The following PRDM6 variants were observed in gnomAD, a reference collection of about 807,000 sequenced individuals.
PRDM6 encodes putative histone-lysine N-methyltransferase PRDM6.
Under a neutral mutation model 60.8 loss-of-function variants are expected in PRDM6, and 25 were observed. That is an observed-to-expected ratio of 0.41 (90% CI 0.30 to 0.57). The LOEUF is 0.57. PRDM6 is among the 20% of genes least tolerant of loss of function. The pLI, the probability that PRDM6 is intolerant of heterozygous loss-of-function variation, is 0.27. For missense variants in PRDM6, 839 were observed against 821.3 expected (o/e 1.02, Z -0.26); for synonymous variants, 407 against 357.4 (o/e 1.14, Z -1.57).
rs1036129278 is a variant in PRDM6, at chr5:123,180,330, A to T, written c.1673+7A>T. ...CTGGAGAAAAGCCCTTCAAGTAAGT[A>T]GTGGCTAGCCCTCCACCCTCTCTTT... On this transcript the variant is annotated splice_region_variant and intron_variant, in intron 7 of 7. Transcript: ENST00000407847. 3.2e-5 allele frequency: 50 copies of T among 1,546,808 alleles called. No individual in the cohort carries two copies. Among genetic ancestry groups the T allele is most frequent in the Middle Eastern group, 3.3e-4 (2 of 5,986 alleles).
intron 3 of PRDM6, among the ~76,000 whole-genome samples, chr5:123,101,501 C>A (rs1764102183): frequency 6.6e-6 from 1 of 152,158 alleles, no homozygotes; most frequent in South Asian, 2.1e-4. Context: ...CTTTTAGGTA[C>A]TTCTCATGTT....
chr5:123,090,418 A>G lies in PRDM6; in HGVS notation c.404A>G (p.Lys135Arg), dbSNP rs1351182247. 8.9e-6 allele frequency: 13 copies of G among 1,460,648 alleles called. No individual in the cohort carries two copies. The East Asian group carries it at 1.2e-4, about 14-fold the overall frequency. 90.5% of individuals were successfully genotyped at this position (1,460,648 alleles called of 1,614,324 possible). A position where few individuals can be genotyped will look rare whatever the true frequency, so the allele number is the denominator to read the frequency against. ...GTCGCCGCCGAGCCGCTGCCCCCCA[A>G]GGAACTGTGCCTCGGCGCCACCTCC... is the stretch of plus-strand genomic sequence containing the variant. ...AAVAAEPLPP[K>R]ELCLGATSGP... is the part of the protein sequence containing the mutation. Residue 135 changes from lysine (K) to arginine (R), a missense_variant, in exon 2 of 8, where the codon AAG (lysine) becomes AGG (arginine). Physicochemically the swap from Lys to Arg is conservative, Grantham distance 26. Around this residue, in one of 2 missense-constraint regions of PRDM6, gnomAD observed 730 missense variants for 648.8 expected, o/e 1.13. Transcript: ENST00000407847.
At chr5:123,111,682 A>C (rs1445577388) in intron 3 of PRDM6, among the ~76,000 whole-genome samples, 1 of 95,584 alleles carries the variant, frequency 1.0e-5, no homozygotes, top group Non-Finnish European at 2.3e-5. Context: ...GGGGCGACAG[A>C]GCGAGAAAAC....
intron 3 of PRDM6, among the ~76,000 whole-genome samples, chr5:123,149,027 A>G (rs1287959859): frequency 2.0e-5 from 3 of 152,224 alleles, no homozygotes; most frequent in Non-Finnish European, 4.4e-5. Flanking sequence ...TAAGTCTGTA[A>G]AAGTATTTTA....
chr5:123,146,345 C>T (rs1765239122), intron 3 of PRDM6, among the ~76,000 whole-genome samples: 1 of 152,292 alleles, frequency 6.6e-6, no homozygotes, highest in African/African-American at 2.4e-5. Context: ...AAGTGTGCAT[C>T]GCAGTGTGAG....
At chr5:123,103,572 A>G (rs1764147434) in intron 3 of PRDM6, among the ~76,000 whole-genome samples, 1 of 152,060 alleles carries the variant, frequency 6.6e-6, no homozygotes, top group Admixed American at 6.5e-5. Flanking sequence ...TCCAATAAAG[A>G]AGTGAAAAGG....
At chr5:123,131,589 G>T (rs1443627553) in intron 3 of PRDM6, among the ~76,000 whole-genome samples, 1 of 152,156 alleles carries the variant, frequency 6.6e-6, no homozygotes, top group Non-Finnish European at 1.5e-5. Flanking sequence ...TTTGAGGGTG[G>T]TGTAATTATT....
At chr5:123,153,597 G>A (rs1051427102) in intron 3 of PRDM6, among the ~76,000 whole-genome samples, 1 of 152,146 alleles carries the variant, frequency 6.6e-6, no homozygotes, top group African/African-American at 2.4e-5. Context: ...TGATATTTGG[G>A]AAAAGCCTGA....
At chr5:123,120,387 A>G (rs755735904) in intron 3 of PRDM6, among the ~76,000 whole-genome samples, 4 of 152,174 alleles carry the variant, frequency 2.6e-5, no homozygotes, top group Non-Finnish European at 4.4e-5. Flanking sequence ...TGTTTGTCCT[A>G]TCCTCTGGAG....
At chr5:123,102,334 C>T (rs1764121803) in intron 3 of PRDM6, among the ~76,000 whole-genome samples, 1 of 152,020 alleles carries the variant, frequency 6.6e-6, no homozygotes, top group African/African-American at 2.4e-5. Context: ...AATTTTTAAG[C>T]ATTATGATTT....
At chr5:123,183,265 C>G (rs912849546) in intron 7 of PRDM6, among the ~76,000 whole-genome samples, 1 of 152,172 alleles carries the variant, frequency 6.6e-6, no homozygotes, top group East Asian at 1.9e-4. Context: ...GCTCAGTCCC[C>G]AAATTGTCCC....
At chr5:123,146,125 C>T (rs1252199180) in intron 3 of PRDM6, among the ~76,000 whole-genome samples, 2 of 152,176 alleles carry the variant, frequency 1.3e-5, no homozygotes, top group East Asian at 3.8e-4. Flanking sequence ...TAGCAGTTTG[C>T]ACCTAGGCTT....
In PRDM6 at chr5:123,171,124, A is replaced by T. The variant is rs1243497712; in HGVS notation, c.1496+16A>T. ...ACCCCGACAGGTAACCCTGACTCTC[A>T]CTGCTGACAGTGTGTTTGCTTAGTG... On this transcript the variant is annotated intron_variant, in intron 6 of 7. Coordinates refer to ENST00000407847, the MANE Select transcript of PRDM6 (RefSeq NM_001136239.4). The T allele has an allele frequency of 1.9e-5, 29 of 1,505,200 alleles. No homozygotes were observed. The highest frequency in any genetic ancestry group is 2.2e-5 in the Non-Finnish European group (25 of 1,119,012). 93.2% of individuals were successfully genotyped at this position (1,505,200 alleles called of 1,614,324 possible).
chr5:123,189,511 CTGCCACCCTGAT>C lies in PRDM6; in HGVS notation c.*2311_*2322del, dbSNP rs1368161994. 5 of 152,180 alleles carry C rather than the reference CTGCCACCCTGAT, an allele frequency of 3.3e-5. No homozygotes were observed. Among genetic ancestry groups the C allele is most frequent in the Admixed American group, 6.5e-5 (1 of 15,280 alleles). 9.4% of individuals were successfully genotyped at this position (152,180 alleles called of 1,614,324 possible). On this transcript the variant is annotated 3_prime_UTR_variant, in exon 8 of 8. Transcript: ENST00000407847. ...AAGGTTTTCCTTAACAATGATCTCTCTGCCACCCTGATAGCTTTGCTAGCTGATCCCAAACTT... is the reference window on the plus strand; with the variant it reads ...AAGGTTTTCCTTAACAATGATCTCTCAGCTTTGCTAGCTGATCCCAAACTT...
chr5:123,131,148 G>C (rs948027629), intron 3 of PRDM6, among the ~76,000 whole-genome samples: 1 of 136,300 alleles, frequency 7.3e-6, no homozygotes, highest in South Asian at 2.2e-4. Context: ...AATGGAAGCA[G>C]TGAATAAGAT....
intron 3 of PRDM6, among the ~76,000 whole-genome samples, chr5:123,133,939 A>G (rs986607593): frequency 2.6e-5 from 4 of 152,096 alleles, no homozygotes; most frequent in African/African-American, 9.7e-5. Flanking sequence ...GCATTGATTT[A>G]ACTTCTTGGG....
chr5:123,105,475 C>T (rs974723776), intron 3 of PRDM6, among the ~76,000 whole-genome samples: 5 of 152,018 alleles, frequency 3.3e-5, no homozygotes, highest in African/African-American at 4.8e-5. Context: ...ATTGTGTTAC[C>T]CAGAAATCAC....
rs1156927353 is a variant in PRDM6 at position 123,193,250 on chromosome 5, T to G, written c.*6049T>G. ...TCCTTGTTGGTGCCTTTCTCCCACT[T>G]TGGTACATCACTCCCAACTGAAAAC... On this transcript the variant is annotated 3_prime_UTR_variant, in exon 8 of 8. Transcript: ENST00000407847. The G allele has an allele frequency of 6.6e-6, 1 of 152,228 alleles. No individual in the cohort carries two copies. The highest frequency in any genetic ancestry group is 1.5e-5 in the Non-Finnish European group (1 of 68,048). The allele number at this position is 152,228 out of a possible 1,614,324, so 9.4% of individuals were successfully genotyped here.
intron 6 of PRDM6, among the ~76,000 whole-genome samples, chr5:123,177,833 C>T (rs1393544540): frequency 6.6e-6 from 1 of 152,160 alleles, no homozygotes; most frequent in Non-Finnish European, 1.5e-5. Context: ...GATGAGAAGA[C>T]AGGTCAGGGA....
Sources: allele counts gnomAD v4.1 joint callset (sites outside exome capture counted in the v4.1 genomes callset), GRCh38; gene constraint gnomAD v4.1.1; regional missense constraint gnomAD v4.1.1; transcripts MANE v1.5; gene names NCBI Gene and HGNC (gene_info 2026-07-23, HGNC 2026-07-21).